The following LTV1 variants were observed in gnomAD, a reference collection of about 807,000 sequenced individuals.
LTV1 encodes protein LTV1 homolog.
LTV1 carries 39 observed loss-of-function variants against 59.9 expected under a neutral mutation model. The observed-to-expected ratio is 0.65, with a 90% CI of 0.50 to 0.85. The LOEUF (loss-of-function observed/expected upper bound fraction) is 0.85. LTV1 is among the 40% of genes least tolerant of loss of function. The probability of loss-of-function intolerance (pLI) is 0.00; values close to 1 mark genes in which losing one functional copy is unlikely to be tolerated. For missense variants in LTV1, 493 were observed against 549.1 expected, an observed-to-expected ratio of 0.90 and a Z score of 1.02; for synonymous variants, 171 against 189.5, an observed-to-expected ratio of 0.90 and a Z score of 0.80.
Position 143,862,479 on chromosome 6 carries a change from G to A in LTV1, c.1063+236G>A, listed in dbSNP as rs1777182412. On this transcript the variant is annotated intron_variant, in intron 8 of 10. Transcript: ENST00000367576. The surrounding 1 kb of genome is among the most constrained non-coding windows in gnomAD (Gnocchi z 4.2). ...CAGGCAACTGTAATCCCAGCTGCTC[G>A]AGAGGCTGAGGCAGGAGAATAGCTT... Among the ~76,000 whole-genome samples, 2 of 151,964 alleles carry A rather than the reference G, an allele frequency of 1.3e-5. No individual in the cohort carries two copies. Among genetic ancestry groups the A allele is most frequent in the Admixed American group, 6.6e-5 (1 of 15,262 alleles).
chr6:143,850,946 T>G (rs1190877350), intron 4 of LTV1, among the ~76,000 whole-genome samples: 1 of 151,806 alleles, frequency 6.6e-6, no homozygotes, highest in East Asian at 1.9e-4. Context: ...AAACCCAGCA[T>G]CACAGGGTTG....
rs191598375 is a variant in LTV1, at chr6:143,844,187, T to C, written c.4-299T>C. Among the ~76,000 whole-genome samples the C allele has an allele frequency of 3.8e-3, 578 of 152,314 alleles. 5 individuals are homozygous for C. Among genetic ancestry groups the C allele is most frequent in the African/African-American group, 0.013 (550 of 41,562 alleles). On this transcript the variant is annotated intron_variant, in intron 1 of 10. Coordinates refer to ENST00000367576, the MANE Select transcript of LTV1 (RefSeq NM_032860.5). ...TTTCACGTCACTGTCTTATATTTTC[T>C]TCACCGGAAATTATCTTGATTTTCT...
At chr6:143,858,275 TCA>T (rs1193065628) in intron 6 of LTV1, 13 of 362,974 alleles carry the variant, frequency 3.6e-5, no homozygotes, top group Non-Finnish European at 6.3e-5. Context: ...CCAATTTACA[TCA>T]CACGCTTACA....
Position 143,857,522 on chromosome 6 carries a change from A to G in LTV1, c.539+78A>G. The stretch of plus-strand genomic sequence containing the variant: ...AGTGGGATGGTAACCATAGAACGTT[A>G]CAGTTGGAAGAGACCTTCAAGAGCA... On this transcript the variant is annotated intron_variant, in intron 5 of 10. Coordinates refer to ENST00000367576, the MANE Select transcript of LTV1 (RefSeq NM_032860.5). The surrounding 1 kb of genome is among the most constrained non-coding windows in gnomAD (Gnocchi z 5.2). 1 of 1,351,558 alleles carries G rather than the reference A, an allele frequency of 7.4e-7. No individual in the cohort carries two copies. The allele number at this position is 1,351,558 out of a possible 1,614,324, so 83.7% of individuals were successfully genotyped here. A position where few individuals can be genotyped will look rare whatever the true frequency, so the allele number is the denominator to read the frequency against.
chr6:143,848,958 C>A (rs933254226), intron 3 of LTV1, among the ~76,000 whole-genome samples: 9 of 152,154 alleles, frequency 5.9e-5, no homozygotes, highest in Admixed American at 5.9e-4. Context: ...ACTTGATTTG[C>A]ATGGTCATAT....
chr6:143,848,419 C>T (rs1273743982), intron 3 of LTV1, among the ~76,000 whole-genome samples: 1 of 151,636 alleles, frequency 6.6e-6, no homozygotes, highest in African/African-American at 2.4e-5. Context: ...GTTTGTGCTA[C>T]TGAGAAACTC....
At position 143,857,585 on chromosome 6, in the gene LTV1, T is replaced by G; in HGVS notation, c.539+141T>G. The G allele has an allele frequency of 1.1e-5, 12 of 1,086,278 alleles. 1 individual carries two copies. The South Asian group carries it at 1.5e-4, about 14-fold the overall frequency. The allele number at this position is 1,086,278 out of a possible 1,614,324, so 67.3% of individuals were successfully genotyped here. A position where few individuals can be genotyped will look rare whatever the true frequency, so the allele number is the denominator to read the frequency against. ...CTTCTGTATTTTAGAGCAGAAAATGTGAGATTCATTGCTTTTCCTACCAAA... is the reference window on the plus strand; with the variant it reads ...CTTCTGTATTTTAGAGCAGAAAATGGGAGATTCATTGCTTTTCCTACCAAA... On this transcript the variant is annotated intron_variant, in intron 5 of 10. Coordinates refer to ENST00000367576, the MANE Select transcript of LTV1 (RefSeq NM_032860.5). This position sits in a 1 kb window ranked among gnomAD's most constrained non-coding sequence, Gnocchi z 5.2.
intron 3 of LTV1, among the ~76,000 whole-genome samples, chr6:143,848,525 T>C (rs552557827): frequency 6.6e-6 from 1 of 152,332 alleles, no homozygotes; most frequent in African/African-American, 2.4e-5. Context: ...GCTTTCTCAG[T>C]GAGCCAATGA....
chr6:143,857,490 C>T lies in LTV1; in HGVS notation c.539+46C>T, dbSNP rs1268263733. The T allele has an allele frequency of 6.6e-7, 1 of 1,516,044 alleles. No individual in the cohort carries two copies. Among genetic ancestry groups the T allele is most frequent in the Non-Finnish European group, 9.1e-7 (1 of 1,092,990 alleles). The allele number at this position is 1,516,044 out of a possible 1,614,324, so 93.9% of individuals were successfully genotyped here. On this transcript the variant is annotated intron_variant, in intron 5 of 10. Transcript: ENST00000367576. This position sits in a 1 kb window ranked among gnomAD's most constrained non-coding sequence, Gnocchi z 5.2. ...AGCAGAGATGATGACCTAAGTGTTA[C>T]TGCTTCAGTGGGATGGTAACCATAG...
chr6:143,843,563 G>A, intron 1 of LTV1, 83 bp downstream of exon 1: 1 of 1,577,636 alleles, frequency 6.3e-7, no homozygotes, highest in Non-Finnish European at 8.7e-7. Context: ...CTTGGCTACT[G>A]CGGCCCGGGT....
intron 4 of LTV1, among the ~76,000 whole-genome samples, chr6:143,853,666 T>G (rs1051732898): frequency 6.6e-6 from 1 of 152,094 alleles, no homozygotes; most frequent in Non-Finnish European, 1.5e-5. Context: ...TTATTGAGAG[T>G]TTTTAGCATG....
At position 143,860,563 on chromosome 6, in the gene LTV1, C is replaced by T. The variant is rs1777146097; in HGVS notation, c.923+10C>T. The T allele has an allele frequency of 1.2e-5, 19 of 1,591,902 alleles. No individual in the cohort carries two copies. The highest frequency in any genetic ancestry group is 1.4e-5 in the Non-Finnish European group (16 of 1,171,718). ...AAGAGAAGGCAGAGAAGTATAGTGA[C>T]TTTTCCTTCCTTGTTTAGCTGTTCT... On this transcript the variant is annotated intron_variant, in intron 7 of 10. Coordinates refer to ENST00000367576, the MANE Select transcript of LTV1 (RefSeq NM_032860.5).
At chr6:143,853,263 C>G (rs896217681) in intron 4 of LTV1, among the ~76,000 whole-genome samples, 1 of 152,116 alleles carries the variant, frequency 6.6e-6, no homozygotes, top group Non-Finnish European at 1.5e-5. Context: ...ATTTGGCTCT[C>G]TGTTTGTCTA....
chr6:143,846,068 G>T lies in LTV1; in HGVS notation c.153G>T (p.Arg51Ser). Residue 51 changes from arginine (R) to serine (S), a missense_variant, in exon 3 of 11, where the codon AGG becomes AGT. By Grantham distance (110) the Arg-to-Ser change is moderately radical. Transcript: ENST00000367576. ...LPTQKIDNEE[R>S]RAEQRKYGVF... is the part of the protein sequence containing the mutation. ...GTTTATAGATAGACAATGAAGAAAG[G>T]CGAGCAGAACAGAGGAAGTATGGAG... The T allele has an allele frequency of 6.2e-7, 1 of 1,612,870 alleles. No individual in the cohort carries two copies. Among genetic ancestry groups the T allele is most frequent in the African/African-American group, 1.3e-5 (1 of 74,960 alleles).
intron 2 of LTV1, among the ~76,000 whole-genome samples, chr6:143,845,118 G>A (rs895277393): frequency 6.6e-6 from 1 of 151,996 alleles, no homozygotes; most frequent in African/African-American, 2.4e-5. Flanking sequence ...CCTCCTGCTT[G>A]CTCATCTTAG....
At chr6:143,843,521 T>C in intron 1 of LTV1, 41 bp downstream of exon 1, 1 of 1,612,800 alleles carries the variant, frequency 6.2e-7, no homozygotes. Context: ...AGCGCTGTGG[T>C]TTTGCAGAGG....
At chr6:143,856,931 G>A (rs1777085497) in intron 4 of LTV1, among the ~76,000 whole-genome samples, 1 of 152,230 alleles carries the variant, frequency 6.6e-6, no homozygotes, top group Admixed American at 6.5e-5. Flanking sequence ...ACTTGAGGAG[G>A]CAGTCTGTCC....
intron 3 of LTV1, among the ~76,000 whole-genome samples, chr6:143,848,916 G>T (rs1776939704): frequency 6.6e-6 from 1 of 152,172 alleles, no homozygotes; most frequent in African/African-American, 2.4e-5. Context: ...GCCAAGTAAA[G>T]TGTTTTGCAT....
chr6:143,846,027 G>C (rs1776882935), intron 2 of LTV1, 24 bp from the exon 3 acceptor site: 1 of 1,609,152 alleles, frequency 6.2e-7, no homozygotes, highest in African/African-American at 1.3e-5. Context: ...AGTGAAGAAA[G>C]TACTAATTCC....
Sources: gnomAD v4.1 joint callset for allele counts (sites outside exome capture counted in the v4.1 genomes callset) on GRCh38, gnomAD v4.1.1 for gene constraint, Gnocchi (gnomAD v3.1) non-coding constraint, MANE v1.5 for transcripts, NCBI Gene and HGNC (gene_info 2026-07-23, HGNC 2026-07-21) for gene names.